TMEM117: variants seen among roughly 807,000 people sequenced by gnomAD.
TMEM117 encodes the protein transmembrane protein 117.
In TMEM117, 27 loss-of-function variants were observed where a neutral mutation model predicts 52.4. That is an observed-to-expected ratio of 0.51 (90% CI 0.38 to 0.71). The LOEUF is 0.71. Among genes scored for constraint, TMEM117 ranks in the 30% least tolerant of loss-of-function variants. The pLI, the probability that TMEM117 is intolerant of heterozygous loss-of-function variation, is 0.00. For synonymous variants in TMEM117, 215 were observed against 206.3 expected (o/e 1.04, Z -0.36); for missense variants, 556 against 630.5 (o/e 0.88, Z 1.26).
intron 2 of TMEM117, among the ~76,000 whole-genome samples, chr12:43,881,962 C>T (rs868073534): frequency 1.3e-5 from 2 of 151,998 alleles, no homozygotes; most frequent in Non-Finnish European, 2.9e-5. Context: ...GTCCCAGCTA[C>T]TCAGGAGGCT....
intron 6 of TMEM117, among the ~76,000 whole-genome samples, chr12:44,300,496 A>G (rs192685843): frequency 6.6e-6 from 1 of 152,332 alleles, no homozygotes; most frequent in East Asian, 1.9e-4. Flanking sequence ...GACTACAATT[A>G]CTGAAGGAAT....
chr12:43,802,055 G>C, the TMEM117 span, among the ~76,000 whole-genome samples: 8 of 152,044 alleles, frequency 5.3e-5, no homozygotes, highest in African/African-American at 1.9e-4. Context: ...AATTGCCATT[G>C]CCACAAATTT....
chr12:43,865,143 C>T lies in TMEM117; in HGVS notation c.277+20215C>T, dbSNP rs980451475. Among the ~76,000 whole-genome samples the T allele has an allele frequency of 5.3e-5, 8 of 152,232 alleles. No individual in the cohort carries two copies. In the South Asian group the frequency reaches 8.3e-4, roughly 16 times the overall value. ...AACTGTAACACTCACTGCGAGGGTC[C>T]GCGGCTTCATTCTTGAAGTCAGTGA... is the stretch of plus-strand genomic sequence containing the variant. On this transcript the variant is annotated intron_variant, in intron 2 of 7. Transcript: ENST00000266534.
intron 5 of TMEM117, among the ~76,000 whole-genome samples, chr12:44,221,637 C>T (rs1431286986): frequency 1.3e-5 from 2 of 152,136 alleles, no homozygotes; most frequent in Middle Eastern, 3.4e-3. Context: ...TGGTATCTTT[C>T]AGAGAACTCA....
At chr12:43,940,702 T>G (rs1001643781) in intron 2 of TMEM117, among the ~76,000 whole-genome samples, 27 of 152,196 alleles carry the variant, frequency 1.8e-4, no homozygotes, top group African/African-American at 6.5e-4. Context: ...CCACCACGCC[T>G]GGCTAATATT....
chr12:44,373,803 A>C (rs1363888293), intron 6 of TMEM117, among the ~76,000 whole-genome samples: 1 of 83,610 alleles, frequency 1.2e-5, no homozygotes, highest in Admixed American at 1.9e-4. Context: ...TTTTTTTGAG[A>C]TGGAGTCTCG....
chr12:44,093,933 GATTTA>G (rs1474215656), intron 3 of TMEM117, among the ~76,000 whole-genome samples: 5 of 151,942 alleles, frequency 3.3e-5, no homozygotes, highest in Non-Finnish European at 7.4e-5. Flanking sequence ...ATACAGGGAT[GATTTA>G]ATATTGTTAA....
At chr12:44,339,714 A>G (rs1951391121) in intron 6 of TMEM117, among the ~76,000 whole-genome samples, 1 of 151,994 alleles carries the variant, frequency 6.6e-6, no homozygotes, top group African/African-American at 2.4e-5. Context: ...TTTTATTGTG[A>G]AAAAGCCCTT....
At chr12:43,806,456 C>T in the TMEM117 span, 3 of 1,018,560 alleles carry the variant, frequency 2.9e-6, no homozygotes, top group Admixed American at 5.1e-5. Flanking sequence ...AGCCCCCGGC[C>T]TCGCTATCCT....
At chr12:44,344,476 C>A (rs1262195165) in intron 6 of TMEM117, among the ~76,000 whole-genome samples, 1 of 152,022 alleles carries the variant, frequency 6.6e-6, no homozygotes, top group Non-Finnish European at 1.5e-5. Context: ...AAATCATGTA[C>A]CTGGTCCAGT....
intron 5 of TMEM117, among the ~76,000 whole-genome samples, chr12:44,255,909 C>G (rs1020579409): frequency 1.3e-5 from 2 of 151,944 alleles, no homozygotes; most frequent in Non-Finnish European, 2.9e-5. Flanking sequence ...AATGTCATTA[C>G]TGGACACTGA....
intron 3 of TMEM117, among the ~76,000 whole-genome samples, chr12:44,111,038 G>C (rs1948046797): frequency 1.6e-4 from 1 of 6,198 alleles, no homozygotes; most frequent in Non-Finnish European, 2.4e-4. Context: ...TATTTCTGTG[G>C]GATCGGTGGT....
At chr12:44,151,863 T>C (rs1041067042) in intron 4 of TMEM117, among the ~76,000 whole-genome samples, 1 of 136,352 alleles carries the variant, frequency 7.3e-6, no homozygotes, top group Non-Finnish European at 1.5e-5. Flanking sequence ...TAATATTATA[T>C]TTAATATATT....
At chr12:43,973,585 G>A (rs1380734326) in intron 3 of TMEM117, among the ~76,000 whole-genome samples, 1 of 152,158 alleles carries the variant, frequency 6.6e-6, no homozygotes, top group Non-Finnish European at 1.5e-5. Flanking sequence ...TTTTCAAAGG[G>A]GTGATAAGCA....
chr12:44,209,435 GA>G (rs146090214), intron 4 of TMEM117, among the ~76,000 whole-genome samples: 4 of 152,072 alleles, frequency 2.6e-5, no homozygotes, highest in Admixed American at 6.5e-5. Flanking sequence ...ATAAACAGTT[GA>G]AAAAATCATC....
intron 2 of TMEM117, among the ~76,000 whole-genome samples, chr12:43,915,920 C>T (rs1229952554): frequency 6.6e-6 from 1 of 152,040 alleles, no homozygotes; most frequent in Non-Finnish European, 1.5e-5. Context: ...CTTCAGCACC[C>T]CCCTCAACCT....
At chr12:44,214,899 C>A (rs1054023074) in intron 5 of TMEM117, among the ~76,000 whole-genome samples, 3 of 152,018 alleles carry the variant, frequency 2.0e-5, no homozygotes, top group African/African-American at 7.3e-5. Flanking sequence ...TCATACTTTT[C>A]GCATAAAAGG....
chr12:43,814,219 AAG>A, the TMEM117 span, among the ~76,000 whole-genome samples: 583 of 152,254 alleles, frequency 3.8e-3, 2 homozygotes, highest in Middle Eastern at 6.8e-3. Flanking sequence ...CCTATGGAAA[AAG>A]CTCACTTCCA....
intron 5 of TMEM117, among the ~76,000 whole-genome samples, chr12:44,212,027 C>T (rs999236759): frequency 1.3e-5 from 2 of 152,316 alleles, no homozygotes; most frequent in East Asian, 3.9e-4. Flanking sequence ...ATATAATATA[C>T]AGTTGAATAA....
Sources: gnomAD v4.1 joint callset for allele counts (sites outside exome capture counted in the v4.1 genomes callset) on GRCh38, gnomAD v4.1.1 for gene constraint, MANE v1.5 for transcripts, NCBI Gene and HGNC (gene_info 2026-07-23, HGNC 2026-07-21) for gene names.